Variants in TCF4 observed in about 807,000 individuals in gnomAD.
The protein encoded by TCF4 is SL3-3 enhancer factor 2.
TCF4 carries 3 observed loss-of-function variants against 82.1 expected under a neutral mutation model. The ratio of observed to expected loss-of-function variants is 0.04; its 90% confidence interval spans 0.02 to 0.09. TCF4 has a LOEUF of 0.09. Among genes scored for constraint, TCF4 ranks in the 10% least tolerant of loss-of-function variants. TCF4 has a pLI of 1.00. For synonymous variants in TCF4, 276 were observed against 309.6 expected, an observed-to-expected ratio of 0.89 and a Z score of 1.14; for missense variants, 518 against 852.7, an observed-to-expected ratio of 0.61 and a Z score of 4.89.
chr18:55,474,733 T>G (rs80007062), intron 3 of TCF4, among the ~76,000 whole-genome samples: 5,359 of 151,954 alleles, frequency 0.035, 127 homozygotes, highest in African/African-American at 0.038. Context: ...TCTTCCCATA[T>G]TTTACATTTT....
intron 11 of TCF4, among the ~76,000 whole-genome samples, chr18:55,262,875 C>T (rs1254127853): frequency 2.0e-5 from 3 of 152,142 alleles, no homozygotes; most frequent in Admixed American, 1.3e-4. Flanking sequence ...GGCACAATCT[C>T]GGCTCACTGC....
At chr18:55,504,647 G>A (rs994958619) in intron 3 of TCF4, among the ~76,000 whole-genome samples, 5 of 152,092 alleles carry the variant, frequency 3.3e-5, no homozygotes, top group African/African-American at 1.2e-4. Flanking sequence ...AAAATAAACT[G>A]AGGCACACAT....
Position 55,575,600 on chromosome 18 carries a change from G to A in TCF4, c.145+9680C>T, listed in dbSNP as rs527899876. 6.6e-5 allele frequency among the ~76,000 whole-genome samples: 10 copies of A among 151,860 alleles called. No individual in the cohort carries two copies. In the South Asian group the frequency reaches 2.1e-3, roughly 32 times the overall value. ...AATTTTTTTTTTTACTCTATACCAAGCACAGTCATTCATTAATAAATTCTT... is the reference window on the plus strand; with the variant it reads ...AATTTTTTTTTTTACTCTATACCAAACACAGTCATTCATTAATAAATTCTT... On this transcript the variant is annotated intron_variant, in intron 3 of 19. Transcript: ENST00000354452.
intron 3 of TCF4, among the ~76,000 whole-genome samples, chr18:55,490,187 A>G (rs1228469788): frequency 1.3e-5 from 2 of 152,232 alleles, no homozygotes; most frequent in Admixed American, 1.3e-4. Flanking sequence ...TGAAGTCTTC[A>G]TATCAAAGCC....
intron 3 of TCF4, chr18:55,553,089 G>A (rs765168727): frequency 1.3e-5 from 2 of 152,104 alleles, no homozygotes; most frequent in Non-Finnish European, 2.9e-5. Flanking sequence ...CACATCCTAT[G>A]GTATCACACA....
chr18:55,317,373 T>A (rs1026496905), intron 8 of TCF4, among the ~76,000 whole-genome samples: 1 of 152,066 alleles, frequency 6.6e-6, no homozygotes, highest in South Asian at 2.1e-4. Context: ...TTATACTGGC[T>A]GCTTTCATTT....
At chr18:55,323,640 T>C (rs960602898) in intron 8 of TCF4, among the ~76,000 whole-genome samples, 2 of 152,216 alleles carry the variant, frequency 1.3e-5, no homozygotes, top group African/African-American at 2.4e-5. Flanking sequence ...GAACAGTTAG[T>C]TGTCAATCTG....
intron 3 of TCF4, among the ~76,000 whole-genome samples, chr18:55,535,875 A>G (rs72932724): frequency 0.096 from 14,654 of 152,268 alleles, 930 homozygotes; most frequent in Non-Finnish European, 0.14. Flanking sequence ...CTCAACAGCA[A>G]TTTCAAGAAA....
intron 3 of TCF4, among the ~76,000 whole-genome samples, chr18:55,535,795 A>G (rs946805097): frequency 6.6e-6 from 1 of 152,242 alleles, no homozygotes; most frequent in Non-Finnish European, 1.5e-5. Flanking sequence ...AAGGCATTCT[A>G]TGAGTTTCAG....
At chr18:55,484,321 T>G (rs574748371) in intron 3 of TCF4, among the ~76,000 whole-genome samples, 4 of 152,360 alleles carry the variant, frequency 2.6e-5, no homozygotes, top group African/African-American at 9.6e-5. Flanking sequence ...AGAAGCATTT[T>G]AAATTCATTT....
chr18:55,307,175 C>T lies in TCF4; in HGVS notation c.550-27519G>A, dbSNP rs552863362. 1.2e-3 allele frequency among the ~76,000 whole-genome samples: 178 copies of T among 152,270 alleles called. 1 individual carries two copies. Among genetic ancestry groups the T allele is most frequent in the South Asian group, 7.9e-3 (38 of 4,826 alleles). ...AAAAAAATTATAAAGCAGCAACAAA[C>T]TCCATTTCAGGATTTAACATCAAGA... On this transcript the variant is annotated intron_variant, in intron 8 of 19. Coordinates refer to ENST00000354452, the MANE Select transcript of TCF4 (RefSeq NM_001083962.2).
At chr18:55,246,232 C>CGTGT (rs34773632) in intron 15 of TCF4, among the ~76,000 whole-genome samples, 6,834 of 147,708 alleles carry the variant, frequency 0.046, 155 homozygotes, top group East Asian at 0.083. Flanking sequence ...TTTAAATACA[C>CGTGT]GTGTGTGTGT....
intron 5 of TCF4, among the ~76,000 whole-genome samples, chr18:55,409,655 T>A (rs961876727): frequency 5.3e-5 from 8 of 152,246 alleles, no homozygotes; most frequent in Non-Finnish European, 1.0e-4. Flanking sequence ...CAGGTTACTA[T>A]ATATTTGTAG....
intron 6 of TCF4, among the ~76,000 whole-genome samples, chr18:55,384,756 A>G (rs1264472724): frequency 1.3e-5 from 2 of 152,120 alleles, no homozygotes; most frequent in African/African-American, 4.8e-5. Flanking sequence ...CTTTGGGGCT[A>G]GCTCCTTGAG....
intron 3 of TCF4, among the ~76,000 whole-genome samples, chr18:55,483,291 C>G (rs1333451187): frequency 6.6e-6 from 1 of 152,218 alleles, no homozygotes; most frequent in Non-Finnish European, 1.5e-5. Flanking sequence ...TTCATCTTGT[C>G]CACTGTTAGC....
chr18:55,384,649 GAAAAGAAGAGCC>G (rs1174678674), intron 6 of TCF4, among the ~76,000 whole-genome samples: 1 of 152,140 alleles, frequency 6.6e-6, no homozygotes, highest in African/African-American at 2.4e-5. Context: ...AATACTATCA[GAAAAGAAGAGCC>G]AAAAGAAGAG....
chr18:55,357,793 A>C (rs569498612), intron 6 of TCF4, among the ~76,000 whole-genome samples: 7 of 152,206 alleles, frequency 4.6e-5, no homozygotes, highest in Admixed American at 3.3e-4. Flanking sequence ...CCTACCCAGC[A>C]CCCCACATAA....
At position 55,257,415 on chromosome 18, in the gene TCF4, A is replaced by G. The variant is rs566205926; in HGVS notation, c.1070-24T>C. Reference sequence around the variant, plus strand: ...TGCTGATATTAAAGTGGGAATTACAATCAGATCTAGACACATGTAAAAAGA... The same window carrying G: ...TGCTGATATTAAAGTGGGAATTACAGTCAGATCTAGACACATGTAAAAAGA... On this transcript the variant is annotated intron_variant, in intron 13 of 19. Coordinates refer to ENST00000354452, the MANE Select transcript of TCF4 (RefSeq NM_001083962.2). The G allele has an allele frequency of 2.5e-6, 4 of 1,611,512 alleles. 1 individual carries two copies. Among genetic ancestry groups the G allele is most frequent in the East Asian group, 2.2e-5 (1 of 44,836 alleles).
At chr18:55,516,366 T>C (rs1012827002) in intron 3 of TCF4, among the ~76,000 whole-genome samples, 2 of 152,080 alleles carry the variant, frequency 1.3e-5, no homozygotes, top group Non-Finnish European at 2.9e-5. Context: ...TAAAATAATA[T>C]ACTGTCTGGT....
Sources: gnomAD v4.1 joint callset for allele counts (sites outside exome capture counted in the v4.1 genomes callset) on GRCh38, gnomAD v4.1.1 for gene constraint, MANE v1.5 for transcripts, NCBI Gene and HGNC (gene_info 2026-07-23, HGNC 2026-07-21) for gene names.